Variants in NPFFR2 observed in about 807,000 individuals in gnomAD.
NPFFR2 encodes the protein neuropeptide FF receptor 2, also known as G-protein coupled receptor 74.
In NPFFR2, 15 loss-of-function variants were observed where a neutral mutation model predicts 13.1. The ratio of observed to expected loss-of-function variants is 1.15; its 90% confidence interval spans 0.77 to 1.76. NPFFR2 has a LOEUF of 1.76. Ranked by LOEUF, NPFFR2 falls within the 40% of genes most tolerant of loss-of-function variation. NPFFR2 has a pLI of 0.00. For synonymous variants in NPFFR2, 190 were observed against 175.7 expected (o/e 1.08, Z -0.65); for missense variants, 572 against 503.5 (o/e 1.14, Z -1.30).
At chr4:72,093,870 TTG>T (rs1227877077) in intron 1 of NPFFR2, among the ~76,000 whole-genome samples, 19 of 151,912 alleles carry the variant, frequency 1.3e-4, no homozygotes, top group East Asian at 7.7e-4. Context: ...TTTGGATCCA[TTG>T]CTGGTAAGCT....
intron 1 of NPFFR2, among the ~76,000 whole-genome samples, chr4:72,124,228 G>A (rs895625557): frequency 6.6e-6 from 1 of 152,094 alleles, no homozygotes; most frequent in Non-Finnish European, 1.5e-5. Flanking sequence ...CCTCTTCAAG[G>A]AGAACTACAA....
chr4:72,035,339 A>G (rs1719015542), intron 1 of NPFFR2, among the ~76,000 whole-genome samples: 1 of 152,252 alleles, frequency 6.6e-6, no homozygotes, highest in Admixed American at 6.5e-5. Flanking sequence ...TGCCTGTGGC[A>G]GGGGAGGAAA....
At chr4:72,135,403 C>T (rs964470992) in intron 2 of NPFFR2, among the ~76,000 whole-genome samples, 6 of 151,888 alleles carry the variant, frequency 4.0e-5, no homozygotes, top group Admixed American at 2.6e-4. Context: ...TTCTGGATTG[C>T]TCTTTTAATT....
At position 72,147,377 on chromosome 4, in the gene NPFFR2, C is replaced by G; in HGVS notation, c.828C>G (p.Leu276=). ...SRKKQKIIKM[L]LIVALLFILS... The stretch of plus-strand genomic sequence containing the variant: ...AGAAGCAGAAGATCATTAAGATGCT[C>G]CTGATTGTGGCCCTGCTTTTTATTC... The change falls in exon 4 of 4, where the codon CTC becomes CTG. Residue 276 remains leucine (L), a synonymous_variant. Transcript: ENST00000308744. 6.2e-7 allele frequency: 1 copy of G among 1,614,112 alleles called. No homozygotes were observed. Among genetic ancestry groups the G allele is most frequent in the Non-Finnish European group, 8.5e-7 (1 of 1,180,036 alleles).
chr4:72,084,611 A>G (rs1720715998), intron 1 of NPFFR2, among the ~76,000 whole-genome samples: 1 of 152,164 alleles, frequency 6.6e-6, no homozygotes, highest in Non-Finnish European at 1.5e-5. Context: ...CTTTCAGCCC[A>G]CGTCTGATTT....
Position 72,038,901 on chromosome 4 carries a change from C to CTTTTTTTTTTTTTTTTTTTT in NPFFR2, c.-8+6704_-8+6705insTTTTTTTTTTTTTTTTTTTT, listed in dbSNP as rs34623356. Among the ~76,000 whole-genome samples the CTTTTTTTTTTTTTTTTTTTT allele has an allele frequency of 1.5e-4, 13 of 86,918 alleles. 6 individuals are homozygous for CTTTTTTTTTTTTTTTTTTTT. Among genetic ancestry groups the CTTTTTTTTTTTTTTTTTTTT allele is most frequent in the Non-Finnish European group, 2.0e-4 (9 of 44,612 alleles). The allele number at this position is 86,918 out of a possible 152,430, so 57.0% of individuals were successfully genotyped here. ...TTTTAATTCTTGATTTTTAAATTTC[C>CTTTTTTTTTTTTTTTTTTTT]TTTCTTTTTTTTTTTTTTTTTTTTT... On this transcript the variant is annotated intron_variant, in intron 1 of 3. Coordinates refer to ENST00000308744, the MANE Select transcript of NPFFR2 (RefSeq NM_004885.3).
At chr4:72,045,506 C>A (rs1719351312) in intron 1 of NPFFR2, among the ~76,000 whole-genome samples, 1 of 152,070 alleles carries the variant, frequency 6.6e-6, no homozygotes, top group African/African-American at 2.4e-5. Flanking sequence ...TCTGAGCAAC[C>A]AAGTACAGAT....
chr4:72,139,849 A>T (rs967795086), intron 3 of NPFFR2, among the ~76,000 whole-genome samples: 4 of 152,192 alleles, frequency 2.6e-5, no homozygotes, highest in African/African-American at 9.7e-5. Flanking sequence ...TACCTTGGGC[A>T]GTATGGTCAT....
chr4:72,100,896 CT>C (rs1721227012), intron 1 of NPFFR2, among the ~76,000 whole-genome samples: 1 of 151,878 alleles, frequency 6.6e-6, no homozygotes, highest in South Asian at 2.1e-4. Context: ...TGGCTGTTAT[CT>C]TTTTAAATCA....
intron 1 of NPFFR2, among the ~76,000 whole-genome samples, chr4:72,093,420 A>G (rs1037460440): frequency 4.6e-5 from 7 of 152,210 alleles, no homozygotes; most frequent in Non-Finnish European, 1.0e-4. Context: ...TTCCTCAAAT[A>G]TGTTTTCCAA....
intron 1 of NPFFR2, 72 bp downstream of exon 1, chr4:72,032,272 G>A: frequency 6.9e-7 from 1 of 1,448,130 alleles, no homozygotes. Flanking sequence ...CCCAACGCTT[G>A]CCTTGATGAC....
chr4:72,131,337 T>TAAA (rs1722232449), intron 2 of NPFFR2, among the ~76,000 whole-genome samples: 1 of 151,256 alleles, frequency 6.6e-6, no homozygotes, highest in Non-Finnish European at 1.5e-5. Context: ...CAAGATACTG[T>TAAA]GCTAAACAAA....
intron 2 of NPFFR2, among the ~76,000 whole-genome samples, chr4:72,129,480 A>G (rs1437814163): frequency 1.1e-5 from 1 of 94,230 alleles, no homozygotes; most frequent in Non-Finnish European, 2.1e-5. Flanking sequence ...GCAGACAAAC[A>G]CGTGAACAAA....
At position 72,106,842 on chromosome 4, in the gene NPFFR2, G is replaced by A. The variant is rs116174232; in HGVS notation, c.-7-21743G>A. Among the ~76,000 whole-genome samples, 968 of 151,980 alleles carry A rather than the reference G, an allele frequency of 6.4e-3. 6 individuals are homozygous for A. Among genetic ancestry groups the A allele is most frequent in the Non-Finnish European group, 0.011 (721 of 67,946 alleles). On this transcript the variant is annotated intron_variant, in intron 1 of 3. Coordinates refer to ENST00000308744, the MANE Select transcript of NPFFR2 (RefSeq NM_004885.3). ...TAGAAATCAATTAGAAAACTAGTAC[G>A]ATTTATTCCATCCAAATTTCACCCA... is the stretch of plus-strand genomic sequence containing the variant.
intron 1 of NPFFR2, among the ~76,000 whole-genome samples, chr4:72,046,602 T>C (rs1719389696): frequency 6.6e-6 from 1 of 152,150 alleles, no homozygotes; most frequent in African/African-American, 2.4e-5. Flanking sequence ...ATACTATTCA[T>C]ACTGAAAAGT....
At chr4:72,102,020 T>C (rs1721264660) in intron 1 of NPFFR2, among the ~76,000 whole-genome samples, 1 of 152,156 alleles carries the variant, frequency 6.6e-6, no homozygotes, top group South Asian at 2.1e-4. Flanking sequence ...CCATATTTCC[T>C]TGGGACTAAT....
At chr4:72,074,385 A>G (rs1404404882) in intron 1 of NPFFR2, among the ~76,000 whole-genome samples, 1 of 152,106 alleles carries the variant, frequency 6.6e-6, no homozygotes, top group African/African-American at 2.4e-5. Flanking sequence ...AGTGCAATAA[A>G]TATTTTGAGG....
chr4:72,066,603 T>TG (rs373295918), intron 1 of NPFFR2, among the ~76,000 whole-genome samples: 1 of 139,886 alleles, frequency 7.1e-6, no homozygotes, highest in Non-Finnish European at 1.6e-5. Context: ...GCTTCCAAAA[T>TG]AGGTGGTGGG....
chr4:72,139,852 A>G (rs1013824152), intron 3 of NPFFR2, among the ~76,000 whole-genome samples: 1 of 152,186 alleles, frequency 6.6e-6, no homozygotes, highest in Non-Finnish European at 1.5e-5. Flanking sequence ...CTTGGGCAGT[A>G]TGGTCATTTT....
Sources: gnomAD v4.1 joint callset for allele counts (sites outside exome capture counted in the v4.1 genomes callset) on GRCh38, gnomAD v4.1.1 for gene constraint, MANE v1.5 for transcripts, NCBI Gene and HGNC (gene_info 2026-07-23, HGNC 2026-07-21) for gene names.